The following BCL2L11 variants were observed in gnomAD, a reference collection of about 807,000 sequenced individuals.
The protein encoded by BCL2L11 is bcl-2-like protein 11.
BCL2L11 carries 15 observed loss-of-function variants against 20.6 expected under a neutral mutation model. That is an observed-to-expected ratio of 0.73 (90% CI 0.49 to 1.12). The LOEUF (loss-of-function observed/expected upper bound fraction) is 1.12, where lower values mean the gene tolerates loss of function less well. Ranked by LOEUF, BCL2L11 falls within the 50% of genes most tolerant of loss-of-function variation. The pLI, the probability that BCL2L11 is intolerant of heterozygous loss-of-function variation, is 0.00. For synonymous variants in BCL2L11, 108 were observed against 92.8 expected, an observed-to-expected ratio of 1.16 and a Z score of -0.94; for missense variants, 292 against 260.9, an observed-to-expected ratio of 1.12 and a Z score of -0.82.
chr2:111,156,260 A>G (rs573610200), intron 3 of BCL2L11, among the ~76,000 whole-genome samples: 2 of 152,238 alleles, frequency 1.3e-5, no homozygotes, highest in Non-Finnish European at 2.9e-5. Context: ...AGTCGTGGAA[A>G]TCTGCACATC....
rs2071880540 is a variant in BCL2L11, at chr2:111,123,986, A to G, written c.241A>G (p.Ile81Val). Reference sequence around the variant, plus strand: ...TTTTGCTACCAGATCCCCGCTTTTCATCTTTATGAGAAGATCCTCCCTGCT... The same window carrying G: ...TTTTGCTACCAGATCCCCGCTTTTCGTCTTTATGAGAAGATCCTCCCTGCT... ...GPFATRSPLFIFMRRSSLLSR... is the reference protein window; with the variant it reads ...GPFATRSPLFVFMRRSSLLSR... The change falls in exon 2 of 4, where the codon ATC becomes GTC. Residue 81 changes from isoleucine (I) to valine (V), a missense_variant. Physicochemically the swap from Ile to Val is conservative, Grantham distance 29 (BLOSUM62 3). Coordinates refer to ENST00000393256, the MANE Select transcript of BCL2L11 (RefSeq NM_138621.5). 6.2e-7 allele frequency: 1 copy of G among 1,614,078 alleles called. No homozygotes were observed. Among genetic ancestry groups the G allele is most frequent in the African/African-American group, 1.3e-5 (1 of 74,926 alleles).
intron 1 of BCL2L11, among the ~76,000 whole-genome samples, chr2:111,121,874 G>A (rs551960828): frequency 6.6e-6 from 1 of 152,308 alleles, no homozygotes; most frequent in Admixed American, 6.5e-5. Flanking sequence ...GACCGCGCAG[G>A]GGACTAGTCG....
At chr2:111,149,150 T>C (rs1181703108) in intron 2 of BCL2L11, among the ~76,000 whole-genome samples, 1 of 152,230 alleles carries the variant, frequency 6.6e-6, no homozygotes, top group African/African-American at 2.4e-5. Context: ...CTGAGTGTAA[T>C]GCTTTCCTGG....
intron 2 of BCL2L11, among the ~76,000 whole-genome samples, chr2:111,140,132 T>G (rs1293722402): frequency 6.6e-6 from 1 of 152,202 alleles, no homozygotes; most frequent in Non-Finnish European, 1.5e-5. Context: ...TGGGCTGTGC[T>G]TAGTGTTGGA....
intron 1 of BCL2L11, chr2:111,122,848 G>C (rs1322990796): frequency 1.0e-6 from 1 of 985,334 alleles, no homozygotes; most frequent in African/African-American, 1.7e-5. Context: ...GCGCCCGGTC[G>C]GCGAAGGGCG....
At chr2:111,154,047 A>G in intron 3 of BCL2L11, 1 of 962,290 alleles carries the variant, frequency 1.0e-6, no homozygotes, top group Non-Finnish European at 1.4e-6. Flanking sequence ...CTTCATTTGG[A>G]AATAATTTCA....
intron 2 of BCL2L11, among the ~76,000 whole-genome samples, chr2:111,136,991 T>C (rs557661602): frequency 6.6e-6 from 1 of 152,328 alleles, no homozygotes; most frequent in South Asian, 2.1e-4. Context: ...GTAACTCCAC[T>C]GTGTGTGACT....
intron 3 of BCL2L11, chr2:111,153,725 CT>C: frequency 6.4e-7 from 1 of 1,550,594 alleles, no homozygotes; most frequent in South Asian, 1.2e-5. Context: ...AAGTGTTAGT[CT>C]TTTATTGCCA....
chr2:111,136,987 C>T (rs1050777946), intron 2 of BCL2L11, among the ~76,000 whole-genome samples: 1 of 152,180 alleles, frequency 6.6e-6, no homozygotes, highest in Non-Finnish European at 1.5e-5. Flanking sequence ...TGCTGTAACT[C>T]CACTGTGTGT....
At chr2:111,138,387 T>C (rs139338878) in intron 2 of BCL2L11, among the ~76,000 whole-genome samples, 37 of 152,336 alleles carry the variant, frequency 2.4e-4, no homozygotes, top group Non-Finnish European at 4.7e-4. Flanking sequence ...TCAGAACAGA[T>C]TTAATAGATA....
intron 3 of BCL2L11, among the ~76,000 whole-genome samples, chr2:111,154,266 A>G (rs1046298692): frequency 6.6e-6 from 1 of 152,096 alleles, no homozygotes; most frequent in Non-Finnish European, 1.5e-5. Context: ...TGTAATTATC[A>G]AAATTCACAA....
chr2:111,153,845 A>G (rs1208833921), intron 3 of BCL2L11: 1 of 1,551,432 alleles, frequency 6.4e-7, no homozygotes, highest in Non-Finnish European at 8.7e-7. Flanking sequence ...GCAGTGGGGA[A>G]GCGTTTGAGA....
chr2:111,130,168 G>A (rs540107344), intron 2 of BCL2L11: 9 of 358,184 alleles, frequency 2.5e-5, no homozygotes, highest in African/African-American at 4.6e-5. Flanking sequence ...GCACTGGTGC[G>A]ATCTTGGCTC....
chr2:111,136,178 C>A (rs976844857), intron 2 of BCL2L11, among the ~76,000 whole-genome samples: 1 of 152,150 alleles, frequency 6.6e-6, no homozygotes, highest in Non-Finnish European at 1.5e-5. Context: ...AGTCCCTTGG[C>A]GATGGAGAAC....
chr2:111,145,920 CTTTTT>C (rs58738963), intron 2 of BCL2L11: 59,684 of 729,750 alleles, frequency 0.082, 1,098 homozygotes, highest in African/African-American at 0.23. Flanking sequence ...TAGTGGCTTT[CTTTTT>C]TTTTTTTTTT....
intron 2 of BCL2L11, among the ~76,000 whole-genome samples, chr2:111,124,527 TA>T (rs1235722342): frequency 6.6e-6 from 1 of 152,156 alleles, no homozygotes; most frequent in African/African-American, 2.4e-5. Context: ...CCTGACCTTG[TA>T]ATCTGCCTGT....
intron 3 of BCL2L11, among the ~76,000 whole-genome samples, chr2:111,163,923 T>C (rs2078881930): frequency 6.6e-6 from 1 of 151,776 alleles, no homozygotes; most frequent in African/African-American, 2.4e-5. Flanking sequence ...CCTGCCCTTT[T>C]TGTAGGGATG....
chr2:111,137,666 G>A (rs2075139429), intron 2 of BCL2L11, among the ~76,000 whole-genome samples: 2 of 144,372 alleles, frequency 1.4e-5, no homozygotes, highest in East Asian at 4.0e-4. Context: ...GGAAATGCTA[G>A]CAGAAACATA....
At chr2:111,153,992 C>A in intron 3 of BCL2L11, 1 of 1,319,264 alleles carries the variant, frequency 7.6e-7, no homozygotes, top group Non-Finnish European at 9.8e-7. Flanking sequence ...ACGGCCTGGC[C>A]CCTCTATTCA....
Sources: allele counts gnomAD v4.1 joint callset (sites outside exome capture counted in the v4.1 genomes callset), GRCh38; gene constraint gnomAD v4.1.1; transcripts MANE v1.5; gene names NCBI Gene and HGNC (gene_info 2026-07-23, HGNC 2026-07-21).